Variants in ASIC2 observed in about 807,000 individuals in gnomAD.
ASIC2 encodes the protein acid-sensing ion channel 2.
A neutral mutation model predicts 57.3 loss-of-function variants in ASIC2; 25 were observed. The ratio of observed to expected loss-of-function variants is 0.44; its 90% CI spans 0.32 to 0.61. The LOEUF (loss-of-function observed/expected upper bound fraction) is 0.61, where lower values mean the gene tolerates loss of function less well. ASIC2 is among the 20% of genes least tolerant of loss of function. The pLI, the probability that ASIC2 is intolerant of heterozygous loss-of-function variation, is 0.06. For missense variants in ASIC2, 641 were observed against 738.1 expected, an observed-to-expected ratio of 0.87 and a Z score of 1.52; for synonymous variants, 319 against 307.5, an observed-to-expected ratio of 1.04 and a Z score of -0.39.
intron 1 of ASIC2, among the ~76,000 whole-genome samples, chr17:34,150,840 C>T (rs867959366): frequency 3.9e-5 from 6 of 152,184 alleles, no homozygotes; most frequent in South Asian, 2.1e-4. Flanking sequence ...AAGAGGGTGG[C>T]GTGGTGGCTC....
intron 1 of ASIC2, among the ~76,000 whole-genome samples, chr17:33,337,996 G>A (rs1471604900): frequency 1.3e-5 from 2 of 151,578 alleles, no homozygotes; most frequent in East Asian, 1.9e-4. Flanking sequence ...TGTTCTGGAA[G>A]GGCAAAGAAG....
At chr17:33,684,866 C>G (rs903826770) in intron 1 of ASIC2, among the ~76,000 whole-genome samples, 29 of 152,026 alleles carry the variant, frequency 1.9e-4, no homozygotes, top group Non-Finnish European at 2.2e-4. Context: ...TGTGGGAATA[C>G]CATTGTGTTC....
chr17:33,286,120 T>A (rs1171839330), intron 1 of ASIC2, among the ~76,000 whole-genome samples: 2 of 152,272 alleles, frequency 1.3e-5, no homozygotes, highest in East Asian at 3.8e-4. Flanking sequence ...TCAACAGAGT[T>A]AGCTGATTTT....
intron 1 of ASIC2, among the ~76,000 whole-genome samples, chr17:33,626,247 A>G (rs1343902379): frequency 6.6e-6 from 1 of 152,032 alleles, no homozygotes; most frequent in Non-Finnish European, 1.5e-5. Context: ...GTAAGTATGG[A>G]AAAAAAAGGA....
chr17:34,024,265 T>G (rs747238246), intron 1 of ASIC2, among the ~76,000 whole-genome samples: 28 of 152,236 alleles, frequency 1.8e-4, no homozygotes, highest in Non-Finnish European at 3.2e-4. Flanking sequence ...AGCCTCTTCA[T>G]GTTCCCAACA....
intron 1 of ASIC2, among the ~76,000 whole-genome samples, chr17:33,694,690 A>G (rs1269499974): frequency 1.3e-5 from 2 of 152,196 alleles, no homozygotes; most frequent in Non-Finnish European, 2.9e-5. Flanking sequence ...AATGTCATAT[A>G]CAGCCAGAGA....
intron 1 of ASIC2, among the ~76,000 whole-genome samples, chr17:33,370,834 C>A (rs540255180): frequency 1.3e-5 from 2 of 152,168 alleles, no homozygotes; most frequent in Non-Finnish European, 2.9e-5. Context: ...AAAGGGGTCC[C>A]GATCCAGACC....
chr17:33,900,263 C>G (rs1268934376), intron 1 of ASIC2, among the ~76,000 whole-genome samples: 1 of 152,230 alleles, frequency 6.6e-6, no homozygotes, highest in African/African-American at 2.4e-5. Context: ...AGTTCACCAT[C>G]TTCATCCCCT....
intron 1 of ASIC2, among the ~76,000 whole-genome samples, chr17:33,520,691 G>C (rs1209852976): frequency 6.6e-6 from 1 of 152,236 alleles, no homozygotes; most frequent in Admixed American, 6.5e-5. Context: ...ATGAAGGGTG[G>C]AGGAGCAAGT....
At chr17:33,382,648 A>G (rs7207801) in intron 1 of ASIC2, among the ~76,000 whole-genome samples, 37,857 of 152,102 alleles carry the variant, frequency 0.25, 6,829 homozygotes, top group African/African-American at 0.51. Context: ...TCCCTGTAAC[A>G]TGAGTTTGAC....
chr17:33,272,654 G>A (rs1200940580), intron 1 of ASIC2, among the ~76,000 whole-genome samples: 1 of 152,082 alleles, frequency 6.6e-6, no homozygotes, highest in East Asian at 1.9e-4. Context: ...CACCAACATT[G>A]TCATCACTAT....
At chr17:33,579,550 T>G (rs548465843) in intron 1 of ASIC2, among the ~76,000 whole-genome samples, 1 of 152,140 alleles carries the variant, frequency 6.6e-6, no homozygotes, top group Admixed American at 6.5e-5. Flanking sequence ...CCTTCAAGAA[T>G]GAAAGGGCAG....
intron 1 of ASIC2, among the ~76,000 whole-genome samples, chr17:33,870,222 C>CTGTTTT (rs1914358947): frequency 3.1e-5 from 2 of 64,086 alleles, no homozygotes; most frequent in African/African-American, 6.6e-5. Flanking sequence ...ATGAGAAATT[C>CTGTTTT]TGTTTTTTTT....
intron 1 of ASIC2, among the ~76,000 whole-genome samples, chr17:33,359,431 A>G (rs115815927): frequency 6.6e-6 from 1 of 152,168 alleles, no homozygotes; most frequent in Non-Finnish European, 1.5e-5. Flanking sequence ...ACATGAATCC[A>G]TGGTATGAGG....
chr17:33,218,266 G>A (rs1272027971), intron 1 of ASIC2, among the ~76,000 whole-genome samples: 2 of 152,174 alleles, frequency 1.3e-5, no homozygotes, highest in African/African-American at 4.8e-5. Flanking sequence ...GCTTCTGATG[G>A]TGGCTTCCTG....
At chr17:33,578,490 C>T (rs182422831) in intron 1 of ASIC2, among the ~76,000 whole-genome samples, 4 of 152,006 alleles carry the variant, frequency 2.6e-5, no homozygotes, top group Admixed American at 6.6e-5. Flanking sequence ...AATGGGTGGG[C>T]GAGACAATTG....
chr17:33,124,121 T>C (rs1262833864), intron 1 of ASIC2, among the ~76,000 whole-genome samples: 1 of 152,196 alleles, frequency 6.6e-6, no homozygotes, highest in East Asian at 1.9e-4. Context: ...TCATACCACA[T>C]TCTTACTGAG....
chr17:33,473,449 T>A (rs927008174), intron 1 of ASIC2, among the ~76,000 whole-genome samples: 5 of 152,180 alleles, frequency 3.3e-5, no homozygotes, highest in Non-Finnish European at 7.4e-5. Context: ...AGGCACCCCC[T>A]GAGCCAAGAA....
In ASIC2 at chr17:34,035,565, C is replaced by T. The variant is rs1175865710; in HGVS notation, c.555+120413G>A. The stretch of plus-strand genomic sequence containing the variant: ...ATTAAACTAAAGAGCTTCTGCACAT[C>T]AAAAGAAACTACCATCGGAGTGAAC... On this transcript the variant is annotated intron_variant, in intron 1 of 9. Coordinates refer to the ASIC2 transcript ENST00000359872. Among the ~76,000 whole-genome samples, 5 of 151,896 alleles carry T rather than the reference C, an allele frequency of 3.3e-5. No individual in the cohort carries two copies. In the East Asian group the frequency reaches 7.7e-4, roughly 24 times the overall value.
Sources: allele counts gnomAD v4.1 joint callset (sites outside exome capture counted in the v4.1 genomes callset), GRCh38; gene constraint gnomAD v4.1.1; transcripts MANE v1.5; gene names NCBI Gene and HGNC (gene_info 2026-07-23, HGNC 2026-07-21).